Variants in GRM1 observed in about 807,000 individuals in gnomAD.
The protein encoded by GRM1 is metabotropic glutamate receptor 1.
A neutral mutation model predicts 90.9 loss-of-function variants in GRM1; 33 were observed. The observed-to-expected ratio is 0.36, with a 90% CI of 0.28 to 0.49. The LOEUF is 0.49. Ranked by LOEUF, GRM1 falls within the 20% of genes least tolerant of loss-of-function variation. The probability of loss-of-function intolerance (pLI) is 0.99; values close to 1 mark genes in which losing one functional copy is unlikely to be tolerated. For missense variants in GRM1, 1,190 were observed against 1,534.3 expected, an observed-to-expected ratio of 0.78 and a Z score of 3.75; for synonymous variants, 700 against 613.2, an observed-to-expected ratio of 1.14 and a Z score of -2.09.
intron 6 of GRM1, among the ~76,000 whole-genome samples, chr6:146,397,503 A>G (rs1183537554): frequency 6.6e-6 from 1 of 150,940 alleles, no homozygotes; most frequent in Non-Finnish European, 1.5e-5. Flanking sequence ...AAAAAAAAAA[A>G]AAGCACAAAA....
chr6:146,248,032 C>T (rs185457772), intron 2 of GRM1, among the ~76,000 whole-genome samples: 3 of 151,882 alleles, frequency 2.0e-5, no homozygotes, highest in Admixed American at 2.0e-4. Context: ...GATGCTGGGT[C>T]TTAAGAATTG....
rs916339263 is a variant in GRM1 at position 146,113,782 on chromosome 6, C to T, written c.701-45566C>T. On this transcript the variant is annotated intron_variant, in intron 1 of 7. Coordinates refer to ENST00000282753, the MANE Select transcript of GRM1 (RefSeq NM_001278064.2). ...GAAAATAAAAATATGATTCATTTCT[C>T]TCAGAGGTATTGTGATAGATTTTGA... Among the ~76,000 whole-genome samples, 7 of 152,134 alleles carry T rather than the reference C, an allele frequency of 4.6e-5. No individual in the cohort carries two copies. The South Asian group carries it at 1.5e-3, about 32-fold the overall frequency.
In GRM1 at chr6:146,367,813, A is replaced by C. The variant is rs145582937; in HGVS notation, c.1602+10119A>C. Among the ~76,000 whole-genome samples, 142 of 152,112 alleles carry C rather than the reference A, an allele frequency of 9.3e-4. 1 individual carries two copies. Among genetic ancestry groups the C allele is most frequent in the African/African-American group, 3.1e-3 (130 of 41,492 alleles). Reference sequence around the variant, plus strand: ...TACCTCATTTTTCTTTATTCAGTCCACCATTGATGGGCATCTAGCTTGATT... The same window carrying C: ...TACCTCATTTTTCTTTATTCAGTCCCCCATTGATGGGCATCTAGCTTGATT... On this transcript the variant is annotated intron_variant, in intron 5 of 7. Coordinates refer to ENST00000282753, the MANE Select transcript of GRM1 (RefSeq NM_001278064.2).
chr6:146,065,180 A>T (rs1164146722), intron 1 of GRM1, among the ~76,000 whole-genome samples: 1 of 152,150 alleles, frequency 6.6e-6, no homozygotes, highest in African/African-American at 2.4e-5. Flanking sequence ...TGTAAAAAAC[A>T]TATTCAAAAT....
chr6:146,078,166 G>T (rs143666789), intron 1 of GRM1, among the ~76,000 whole-genome samples: 1 of 152,164 alleles, frequency 6.6e-6, no homozygotes, highest in Non-Finnish European at 1.5e-5. Flanking sequence ...TTTCATACGG[G>T]CTGGGAATGT....
In GRM1 at chr6:146,238,935, A is replaced by T. The variant is rs1030959423; in HGVS notation, c.951-65676A>T. ...TGCCCAATAAGTGCACATTGCATTA[A>T]TAGTTCAGTTCACGTGAGTATAGGA... On this transcript the variant is annotated intron_variant, in intron 2 of 7. Transcript: ENST00000282753. Among the ~76,000 whole-genome samples, 28 of 152,274 alleles carry T rather than the reference A, an allele frequency of 1.8e-4. No individual in the cohort carries two copies. The South Asian group carries it at 3.5e-3, about 19-fold the overall frequency.
chr6:146,203,037 A>C (rs1251745347), intron 2 of GRM1, among the ~76,000 whole-genome samples: 1 of 151,832 alleles, frequency 6.6e-6, no homozygotes, highest in African/African-American at 2.4e-5. Flanking sequence ...CACTAAAAAT[A>C]CAAAAAATTA....
chr6:146,092,387 C>T (rs911402219), intron 1 of GRM1, among the ~76,000 whole-genome samples: 3 of 152,128 alleles, frequency 2.0e-5, no homozygotes, highest in African/African-American at 7.2e-5. Context: ...CAACTATCTT[C>T]ACCTTTTGCA....
intron 2 of GRM1, among the ~76,000 whole-genome samples, chr6:146,276,641 C>T (rs899300500): frequency 3.5e-4 from 53 of 152,124 alleles, no homozygotes; most frequent in African/African-American, 1.2e-3. Context: ...CAAGTCTAGA[C>T]ACCAGAACAA....
intron 3 of GRM1, among the ~76,000 whole-genome samples, chr6:146,328,371 T>G (rs1332961664): frequency 6.6e-6 from 1 of 152,164 alleles, no homozygotes; most frequent in East Asian, 1.9e-4. Flanking sequence ...GTCACTGACC[T>G]AGGTCTGTAC....
At chr6:146,326,818 T>C (rs535125113) in intron 3 of GRM1, among the ~76,000 whole-genome samples, 1 of 152,222 alleles carries the variant, frequency 6.6e-6, no homozygotes, top group Non-Finnish European at 1.5e-5. Context: ...TTTTCCAAAA[T>C]ATACTTAAGG....
chr6:146,106,463 G>C (rs964818074), intron 1 of GRM1, among the ~76,000 whole-genome samples: 4 of 152,158 alleles, frequency 2.6e-5, no homozygotes, highest in Admixed American at 2.6e-4. Flanking sequence ...GGCCTTCAGA[G>C]TTTATTTACA....
chr6:146,063,377 C>T (rs1046906279), intron 1 of GRM1, among the ~76,000 whole-genome samples: 2 of 152,168 alleles, frequency 1.3e-5, no homozygotes, highest in Non-Finnish European at 2.9e-5. Flanking sequence ...TTAGATTCAG[C>T]ATTGAAGATT....
At chr6:146,289,414 A>T (rs1293078520) in intron 2 of GRM1, among the ~76,000 whole-genome samples, 1 of 152,218 alleles carries the variant, frequency 6.6e-6, no homozygotes, top group East Asian at 1.9e-4. Flanking sequence ...ATAGCTATAC[A>T]ATGTATTTGT....
At chr6:146,292,675 A>G (rs1307898076) in intron 2 of GRM1, among the ~76,000 whole-genome samples, 5 of 152,020 alleles carry the variant, frequency 3.3e-5, no homozygotes, top group Non-Finnish European at 7.4e-5. Context: ...GTGGGAATGT[A>G]GAATAGTGCA....
At chr6:146,118,121 A>C (rs77750360) in intron 1 of GRM1, among the ~76,000 whole-genome samples, 7,758 of 140,408 alleles carry the variant, frequency 0.055, 671 homozygotes, top group African/African-American at 0.19. Flanking sequence ...TTTATTTTTT[A>C]TTCTTTTTTT....
At chr6:146,209,795 G>T (rs1364052139) in intron 2 of GRM1, among the ~76,000 whole-genome samples, 1 of 152,242 alleles carries the variant, frequency 6.6e-6, no homozygotes, top group African/African-American at 2.4e-5. Context: ...TGTTACTGAT[G>T]AGTAGTAGAT....
At chr6:146,243,594 T>A (rs1340867085) in intron 2 of GRM1, among the ~76,000 whole-genome samples, 1 of 151,992 alleles carries the variant, frequency 6.6e-6, no homozygotes. Flanking sequence ...GTCACAGAGA[T>A]CACATGCTTC....
chr6:146,174,054 CATCTT>C (rs926208761), intron 2 of GRM1, among the ~76,000 whole-genome samples: 1 of 151,974 alleles, frequency 6.6e-6, no homozygotes, highest in Non-Finnish European at 1.5e-5. Context: ...TGATATCTGA[CATCTT>C]ATCTCTAAGA....
Sources: allele counts gnomAD v4.1 joint callset (sites outside exome capture counted in the v4.1 genomes callset), GRCh38; gene constraint gnomAD v4.1.1; transcripts MANE v1.5; gene names NCBI Gene and HGNC (gene_info 2026-07-23, HGNC 2026-07-21).